The following FARSB variants were observed in gnomAD, a reference collection of about 807,000 sequenced individuals.
FARSB encodes phenylalanyl-tRNA synthetase subunit beta.
Under a neutral mutation model 69.6 loss-of-function variants are expected in FARSB, and 40 were observed. That is an observed-to-expected ratio of 0.57 (90% CI 0.45 to 0.75). The LOEUF (loss-of-function observed/expected upper bound fraction) is 0.75. Among genes scored for constraint, FARSB ranks in the 30% least tolerant of loss-of-function variants. The pLI is 0.00. For synonymous variants in FARSB, 235 were observed against 247.2 expected (o/e 0.95, Z 0.46); for missense variants, 632 against 722.9 (o/e 0.87, Z 1.44).
intron 15 of FARSB, among the ~76,000 whole-genome samples, chr2:222,601,489 C>A (rs12620186): frequency 0.28 from 42,500 of 151,698 alleles, 7,130 homozygotes; most frequent in Non-Finnish European, 0.38. Context: ...AGCCAAAAAA[C>A]CCCATGAACA....
At chr2:222,649,974 GATAA>G (rs920241193) in intron 1 of FARSB, among the ~76,000 whole-genome samples, 1 of 152,046 alleles carries the variant, frequency 6.6e-6, no homozygotes, top group African/African-American at 2.4e-5. Context: ...GGGTTACAAA[GATAA>G]ATAAAACACA....
chr2:222,656,033 G>C lies in FARSB; in HGVS notation c.41C>G (p.Ala14Gly), dbSNP rs1462264633. ...VSVKRDLLFQ[A>G]LGRTYTDEEF... ...CCACTCACTGTAGGTGCGGCCCAGGGCTTGGAAGAGCAGATCACGCTTCAC... is the reference window on the plus strand; with the variant it reads ...CCACTCACTGTAGGTGCGGCCCAGGCCTTGGAAGAGCAGATCACGCTTCAC... Residue 14 changes from alanine to glycine, a missense_variant, in exon 1 of 17, where the codon GCC (alanine) becomes GGC (glycine). Coordinates refer to ENST00000281828, the MANE Select transcript of FARSB (RefSeq NM_005687.5). 4 of 1,596,456 alleles carry C rather than the reference G, an allele frequency of 2.5e-6. No homozygotes were observed. In the African/African-American group the frequency reaches 5.4e-5, roughly 22 times the overall value.
intron 15 of FARSB, among the ~76,000 whole-genome samples, chr2:222,609,257 A>G (rs146200140): frequency 8.3e-4 from 126 of 152,374 alleles, no homozygotes; most frequent in African/African-American, 2.8e-3. Context: ...TTTTCTGGGC[A>G]TAAGGATTAA....
chr2:222,604,722 A>ATTTTTTTTTTTTTTTT (rs56201038), intron 15 of FARSB, among the ~76,000 whole-genome samples: 7 of 110,700 alleles, frequency 6.3e-5, no homozygotes, highest in South Asian at 3.3e-4. Context: ...TGCCCACTGA[A>ATTTTTTTTTTTTTTTT]TTTTTTTTTT....
intron 13 of FARSB, 131 bp from the exon 14 acceptor site, chr2:222,619,868 C>A: frequency 1.9e-6 from 1 of 536,882 alleles, no homozygotes; most frequent in Non-Finnish European, 3.4e-6. Flanking sequence ...TAAGAATAGG[C>A]CTGGTGTGAG....
At chr2:222,613,030 T>C (rs879439300) in intron 15 of FARSB, among the ~76,000 whole-genome samples, 1 of 152,238 alleles carries the variant, frequency 6.6e-6, no homozygotes, top group Non-Finnish European at 1.5e-5. Context: ...TAAGACAATA[T>C]GCATATAAAT....
intron 14 of FARSB, among the ~76,000 whole-genome samples, chr2:222,616,452 CAGG>C (rs1294835025): frequency 6.9e-6 from 1 of 144,472 alleles, no homozygotes; most frequent in Non-Finnish European, 1.5e-5. Flanking sequence ...GAGGCTGAGG[CAGG>C]AGAATTGCTT....
intron 6 of FARSB, 133 bp downstream of exon 6, chr2:222,634,258 C>G: frequency 1.9e-6 from 1 of 537,726 alleles, no homozygotes; most frequent in South Asian, 3.7e-5. Flanking sequence ...AGATGAATCA[C>G]TGTCTCTAGG....
chr2:222,585,425 C>A (rs1471558990), intron 16 of FARSB, among the ~76,000 whole-genome samples: 1 of 152,236 alleles, frequency 6.6e-6, no homozygotes, highest in Non-Finnish European at 1.5e-5. Flanking sequence ...GAAACCAGAG[C>A]AGAAAAGCTG....
At chr2:222,624,228 A>C in intron 12 of FARSB, 44 bp downstream of exon 12, 2 of 1,238,250 alleles carry the variant, frequency 1.6e-6, no homozygotes, top group South Asian at 2.4e-5. Context: ...TTAAATAATC[A>C]GTTTCTAACA....
intron 4 of FARSB, among the ~76,000 whole-genome samples, chr2:222,640,255 C>T (rs1691686154): frequency 6.6e-6 from 1 of 152,186 alleles, no homozygotes; most frequent in Non-Finnish European, 1.5e-5. Context: ...CTTTAGGAGG[C>T]TGTAGGGGAA....
intron 15 of FARSB, among the ~76,000 whole-genome samples, chr2:222,612,838 A>G (rs1690894370): frequency 6.6e-6 from 1 of 152,200 alleles, no homozygotes; most frequent in African/African-American, 2.4e-5. Context: ...TACTAAATAT[A>G]TACTCATTAA....
At chr2:222,614,610 C>T (rs759058126) in intron 14 of FARSB, among the ~76,000 whole-genome samples, 2 of 152,014 alleles carry the variant, frequency 1.3e-5, no homozygotes, top group Non-Finnish European at 1.5e-5. Context: ...TTTGGGAAGC[C>T]GAGGTAGGAG....
At position 222,570,248 on chromosome 2, in the gene FARSB, T is replaced by C. The variant is rs571706300; in HGVS notation, c.*1623A>G. Among the ~76,000 whole-genome samples the C allele has an allele frequency of 3.3e-5, 5 of 152,366 alleles. No individual in the cohort carries two copies. Among genetic ancestry groups the C allele is most frequent in the Non-Finnish European group, 7.3e-5 (5 of 68,030 alleles). ...GTTTTATTTTTACTATTAAGTTTTA[T>C]TATTAAGTTTTAAGAAATCTTTATG... is the stretch of plus-strand genomic sequence containing the variant. On this transcript the variant is annotated 3_prime_UTR_variant, in exon 17 of 17. Coordinates refer to ENST00000281828, the MANE Select transcript of FARSB (RefSeq NM_005687.5).
At chr2:222,621,283 A>C (rs957527110) in intron 13 of FARSB, among the ~76,000 whole-genome samples, 1 of 152,204 alleles carries the variant, frequency 6.6e-6, no homozygotes. Flanking sequence ...TAGTTAGTAC[A>C]CAGTAAGAAA....
intron 16 of FARSB, among the ~76,000 whole-genome samples, chr2:222,572,717 C>G (rs962480007): frequency 6.6e-6 from 1 of 152,198 alleles, no homozygotes; most frequent in African/African-American, 2.4e-5. Context: ...TACTTCAAGA[C>G]AGGCAGAAAG....
chr2:222,614,216 T>G (rs1407904005), intron 14 of FARSB, among the ~76,000 whole-genome samples: 1 of 152,248 alleles, frequency 6.6e-6, no homozygotes, highest in Non-Finnish European at 1.5e-5. Flanking sequence ...TTTGCTTATA[T>G]CTAAGCCTTG....
At chr2:222,631,568 C>T (rs1450049449) in intron 8 of FARSB, 36 bp downstream of exon 8, 1 of 1,119,586 alleles carries the variant, frequency 8.9e-7, no homozygotes, top group Admixed American at 1.7e-5. Context: ...TCTATCCCAG[C>T]TGATCATACA....
chr2:222,605,055 A>G (rs1227584236), intron 15 of FARSB, among the ~76,000 whole-genome samples: 2 of 152,164 alleles, frequency 1.3e-5, no homozygotes, highest in African/African-American at 4.8e-5. Flanking sequence ...TTGGTATCTA[A>G]AAGCTATAAG....
Sources: gnomAD v4.1 joint callset for allele counts (sites outside exome capture counted in the v4.1 genomes callset) on GRCh38, gnomAD v4.1.1 for gene constraint, MANE v1.5 for transcripts, NCBI Gene and HGNC (gene_info 2026-07-23, HGNC 2026-07-21) for gene names.